KCNH4: variants seen among roughly 807,000 people sequenced by gnomAD.
The protein encoded by KCNH4 is potassium voltage-gated channel subfamily H member 4, also known as voltage-gated delayed rectifier potassium channel KCNH4.
Under a neutral mutation model 90.7 loss-of-function variants are expected in KCNH4, and 33 were observed. The ratio of observed to expected loss-of-function variants is 0.36; its 90% confidence interval spans 0.28 to 0.49. The LOEUF (loss-of-function observed/expected upper bound fraction) is 0.49. Among genes scored for constraint, KCNH4 ranks in the 20% least tolerant of loss-of-function variants. The pLI is 0.98. For synonymous variants in KCNH4, 551 were observed against 581.7 expected (o/e 0.95, Z 0.76); for missense variants, 1,044 against 1,387.1 (o/e 0.75, Z 3.93).
At position 42,160,011 on chromosome 17, in the gene KCNH4, C is replaced by G. The variant is rs1193425544; in HGVS notation, c.*29G>C. 4.1e-6 allele frequency: 6 copies of G among 1,480,664 alleles called. No homozygotes were observed. The highest frequency in any genetic ancestry group is 5.4e-6 in the Non-Finnish European group (6 of 1,113,786). 91.7% of individuals were successfully genotyped at this position (1,480,664 alleles called of 1,614,324 possible). On this transcript the variant is annotated 3_prime_UTR_variant, in exon 16 of 17. Transcript: ENST00000264661. ...CTGAGTGGTGAGCGGCAGCGCCCAC[C>G]CCAGACAGGCCTGGGCCCTGGGCCA...
At chr17:42,157,766 C>T (rs916725463) in intron 16 of KCNH4, among the ~76,000 whole-genome samples, 14 of 152,168 alleles carry the variant, frequency 9.2e-5, no homozygotes, top group Admixed American at 8.5e-4. Context: ...CACCACTACA[C>T]CTGGCTAATT....
In KCNH4 at chr17:42,158,841, A is replaced by T. The variant is rs1006232832; in HGVS notation, c.*309+890T>A. Among the ~76,000 whole-genome samples, 8 of 148,786 alleles carry T rather than the reference A, an allele frequency of 5.4e-5. No individual in the cohort carries two copies. The South Asian group carries it at 6.4e-4, about 12-fold the overall frequency. The stretch of plus-strand genomic sequence containing the variant: ...CAGAGTGAGACTCCGTCTATAAAAA[A>T]ATATATATATATATATTTTTTTTAT... On this transcript the variant is annotated intron_variant, in intron 16 of 16. Coordinates refer to ENST00000264661, the MANE Select transcript of KCNH4 (RefSeq NM_012285.3).
intron 8 of KCNH4, 43 bp downstream of exon 8, chr17:42,170,055 TGCATGCTGG>T: frequency 6.6e-7 from 1 of 1,515,952 alleles, no homozygotes; most frequent in Non-Finnish European, 8.9e-7. Flanking sequence ...AGTTTCCCCG[TGCATGCTGG>T]GCTTCGCAGG....
intron 16 of KCNH4, among the ~76,000 whole-genome samples, chr17:42,157,792 A>C (rs1177559731): frequency 6.6e-6 from 1 of 151,644 alleles, no homozygotes; most frequent in Non-Finnish European, 1.5e-5. Flanking sequence ...ATTTGTATAG[A>C]GATGGGTGGG....
chr17:42,157,491 C>T (rs1437012125), intron 16 of KCNH4, among the ~76,000 whole-genome samples: 1 of 152,086 alleles, frequency 6.6e-6, no homozygotes, highest in Admixed American at 6.6e-5. Context: ...GTGGTGACTG[C>T]GAAGTAGAGT....
intron 15 of KCNH4, among the ~76,000 whole-genome samples, chr17:42,161,181 G>C (rs1215807246): frequency 6.6e-6 from 1 of 152,094 alleles, no homozygotes; most frequent in African/African-American, 2.4e-5. Context: ...ACCCACCTTA[G>C]CCTCCCAAAG....
rs750965904 is a variant in KCNH4, at chr17:42,163,664, G to T, written c.2419C>A (p.Pro807Thr). The part of the protein sequence containing the change: ...GPPRCSAAWK[P>T]PQLLIPPLGT... ...AGTGGGGGAATGAGAAGCTGAGGGG[G>T]CTTCCAGGCAGCAGAGCACCTGGGG... The change falls in exon 13 of 17, where the codon CCC (proline) becomes ACC (threonine). Residue 807 changes from proline to threonine, a missense_variant. Around this residue, in one of 4 missense-constraint regions of KCNH4, gnomAD observed 441 missense variants for 512.3 expected, o/e 0.86. Coordinates refer to ENST00000264661, the MANE Select transcript of KCNH4 (RefSeq NM_012285.3). The surrounding 1 kb of genome is among the most constrained non-coding windows in gnomAD (Gnocchi z 5.4). 1.3e-6 allele frequency: 2 copies of T among 1,506,346 alleles called. No individual in the cohort carries two copies. Among genetic ancestry groups the T allele is most frequent in the Non-Finnish European group, 1.8e-6 (2 of 1,127,252 alleles). 93.3% of individuals were successfully genotyped at this position (1,506,346 alleles called of 1,614,324 possible).
intron 14 of KCNH4, 117 bp from the exon 15 acceptor site, chr17:42,162,438 G>T: frequency 1.3e-6 from 1 of 797,098 alleles, no homozygotes; most frequent in Non-Finnish European, 2.0e-6. Flanking sequence ...AAAGCTCTAG[G>T]GTCTGTAAGA....
At position 42,180,442 on chromosome 17, in the gene KCNH4, C is replaced by A. The variant is rs1026925830; in HGVS notation, c.76+428G>T. 6.6e-6 allele frequency among the ~76,000 whole-genome samples: 1 copy of A among 152,128 alleles called. No homozygotes were observed. The highest frequency in any genetic ancestry group is 1.5e-5 in the Non-Finnish European group (1 of 68,016). ...CGACCTCAATCCAAACTAGGTCCTGCTGAAGTCTGATCTTTTCTCCTTTTT... is the reference window on the plus strand; with the variant it reads ...CGACCTCAATCCAAACTAGGTCCTGATGAAGTCTGATCTTTTCTCCTTTTT... On this transcript the variant is annotated intron_variant, in intron 1 of 16. Coordinates refer to ENST00000264661, the MANE Select transcript of KCNH4 (RefSeq NM_012285.3). The surrounding 1 kb of genome is among the most constrained non-coding windows in gnomAD (Gnocchi z 4.7).
In KCNH4 at chr17:42,170,320, C is replaced by T; in HGVS notation, c.1196-19G>A. 1 of 1,565,358 alleles carries T rather than the reference C, an allele frequency of 6.4e-7. No homozygotes were observed. Reference sequence around the variant, plus strand: ...AACCAGCCTGCAGGGTGGACGGATGCAGGGAGCCCTGGCTGTGCCAGCGGT... The same window carrying T: ...AACCAGCCTGCAGGGTGGACGGATGTAGGGAGCCCTGGCTGTGCCAGCGGT... On this transcript the variant is annotated intron_variant, in intron 7 of 16. Coordinates refer to ENST00000264661, the MANE Select transcript of KCNH4 (RefSeq NM_012285.3).
chr17:42,170,506 G>A (rs2079820249), intron 7 of KCNH4, among the ~76,000 whole-genome samples: 1 of 152,234 alleles, frequency 6.6e-6, no homozygotes, highest in South Asian at 2.1e-4. Flanking sequence ...ATTGCTGAGT[G>A]TTCAAAGGCT....
chr17:42,178,413 C>T lies in KCNH4; in HGVS notation c.375G>A (p.Leu125=), dbSNP rs778577443. Residue 125 remains leucine (L), a synonymous_variant, in exon 3 of 17, where the codon CTG becomes CTA. Coordinates refer to ENST00000264661, the MANE Select transcript of KCNH4 (RefSeq NM_012285.3). ...PIKNEMGEVV[L]FLFSFKDITQ... is the part of the protein sequence containing the mutation. ...TGATATCCTTGAAGGAAAAGAGGAA[C>T]AGCACGACCTCCCCCATCTCATTCT... The T allele has an allele frequency of 6.2e-7, 1 of 1,614,094 alleles. No individual in the cohort carries two copies. Among genetic ancestry groups the T allele is most frequent in the Non-Finnish European group, 8.5e-7 (1 of 1,180,036 alleles).
rs559384262 is a variant in KCNH4, at chr17:42,176,577, C to T, written c.586-280G>A. 5.8e-5 allele frequency among the ~76,000 whole-genome samples: 7 copies of T among 120,192 alleles called. No homozygotes were observed. The South Asian group carries it at 1.8e-3, about 30-fold the overall frequency. The allele number at this position is 120,192 out of a possible 152,430, so 78.9% of individuals were successfully genotyped here. A position where few individuals can be genotyped will look rare whatever the true frequency, so the allele number is the denominator to read the frequency against. On this transcript the variant is annotated intron_variant, in intron 4 of 16. Transcript: ENST00000264661. The stretch of plus-strand genomic sequence containing the variant: ...CTTGCTCTTTACCCAGGCTGGAGTG[C>T]AAGGGCATGATCTTGGCTCACTGCA...
chr17:42,165,560 G>C lies in KCNH4; in HGVS notation c.1974C>G (p.Ser658Arg), dbSNP rs1461481801. Residue 658 changes from serine (S) to arginine (R), a missense_variant, in exon 11 of 17, where the codon AGC (serine) becomes AGG (arginine). This residue lies in a region of KCNH4 where 441 missense variants were observed against 512.3 expected (regional missense o/e 0.86). Transcript: ENST00000264661. ...ALTYCGLQQLSSRGLAEVLRL... is the reference protein window; with the variant it reads ...ALTYCGLQQLRSRGLAEVLRL... ...TCAGGACCTCAGCCAGCCCTCGGCTGCTCAGCTGCTGCAGGCCACAGTAGG... is the reference window on the plus strand; with the variant it reads ...TCAGGACCTCAGCCAGCCCTCGGCTCCTCAGCTGCTGCAGGCCACAGTAGG... The C allele has an allele frequency of 6.2e-7, 1 of 1,614,230 alleles. No homozygotes were observed. The highest frequency in any genetic ancestry group is 2.2e-5 in the East Asian group (1 of 44,888).
rs1247816003 is a variant in KCNH4, at chr17:42,164,179, A to AT, written c.2086-12dup. ...AAAGCGGCTGAGGCCCTGTGGGGACATAGGAGAGTTCAAGCTGATTCCTGC... is the reference window on the plus strand; with the variant it reads ...AAAGCGGCTGAGGCCCTGTGGGGACATTAGGAGAGTTCAAGCTGATTCCTGC... On this transcript the variant is annotated splice_polypyrimidine_tract_variant and intron_variant, in intron 11 of 16. Transcript: ENST00000264661. The AT allele has an allele frequency of 6.5e-7, 1 of 1,546,568 alleles. No individual in the cohort carries two copies. Among genetic ancestry groups the AT allele is most frequent in the Non-Finnish European group, 8.7e-7 (1 of 1,144,508 alleles).
chr17:42,163,405 G>T lies in KCNH4; in HGVS notation c.2478-71C>A, dbSNP rs1035579845. 2.3e-5 allele frequency: 26 copies of T among 1,153,556 alleles called. No individual in the cohort carries two copies. Among genetic ancestry groups the T allele is most frequent in the African/African-American group, 4.6e-5 (3 of 65,026 alleles). 71.5% of individuals were successfully genotyped at this position (1,153,556 alleles called of 1,614,324 possible). On this transcript the variant is annotated intron_variant, in intron 13 of 16. Transcript: ENST00000264661. This position sits in a 1 kb window ranked among gnomAD's most constrained non-coding sequence, Gnocchi z 5.4. ...GGCCAGAGCAGAGCAGACAGAGGGGGACTGGGGGCAGCAGTGCCAGGGGGC... is the reference window on the plus strand; with the variant it reads ...GGCCAGAGCAGAGCAGACAGAGGGGTACTGGGGGCAGCAGTGCCAGGGGGC...
rs868078891 is a variant in KCNH4 at position 42,159,865 on chromosome 17, G to A, written c.*175C>T. The A allele has an allele frequency of 1.5e-5, 7 of 461,944 alleles. No individual in the cohort carries two copies. The highest frequency in any genetic ancestry group is 5.6e-4 in the Middle Eastern group (1 of 1,782). The allele number at this position is 461,944 out of a possible 1,614,324, so 28.6% of individuals were successfully genotyped here. ...CAGAGGGGGAGGTTGGGGAAGGCTT[G>A]GAAAAGGGAATAGCGTCAGAGGTAA... On this transcript the variant is annotated 3_prime_UTR_variant, in exon 16 of 17. Coordinates refer to ENST00000264661, the MANE Select transcript of KCNH4 (RefSeq NM_012285.3).
chr17:42,157,651 A>C (rs2079718442), intron 16 of KCNH4, among the ~76,000 whole-genome samples: 1 of 152,178 alleles, frequency 6.6e-6, no homozygotes, highest in South Asian at 2.1e-4. Flanking sequence ...TCTGTCACCC[A>C]GGCTGGAGTG....
At chr17:42,176,432 T>TAGAAGGCC in intron 4 of KCNH4, 135 bp from the exon 5 acceptor site, 1 of 684,072 alleles carries the variant, frequency 1.5e-6, no homozygotes, top group Non-Finnish European at 2.4e-6. Flanking sequence ...TGAAAGGAGA[T>TAGAAGGCC]AGAAGGCCAG....
Sources: allele counts gnomAD v4.1 joint callset (sites outside exome capture counted in the v4.1 genomes callset), GRCh38; gene constraint gnomAD v4.1.1; regional missense constraint gnomAD v4.1.1; non-coding constraint Gnocchi (gnomAD v3.1); transcripts MANE v1.5; gene names NCBI Gene and HGNC (gene_info 2026-07-23, HGNC 2026-07-21).